KIAA1958: variants seen among roughly 807,000 people sequenced by gnomAD.
KIAA1958 encodes the protein KIAA1958, also known as uncharacterized protein KIAA1958.
Under a neutral mutation model 47.2 loss-of-function variants are expected in KIAA1958, and 14 were observed. That is an observed-to-expected ratio of 0.30 (90% CI 0.20 to 0.46). The LOEUF is 0.46. KIAA1958 is among the 20% of genes least tolerant of loss of function. The probability of loss-of-function intolerance (pLI) is 1.00; values close to 1 mark genes in which losing one functional copy is unlikely to be tolerated. For synonymous variants in KIAA1958, 354 were observed against 353.3 expected (o/e 1.00, Z -0.02); for missense variants, 803 against 909.2 (o/e 0.88, Z 1.50).
chr9:112,574,407 A>G lies in KIAA1958; in HGVS notation c.327A>G (p.Ala109=). The part of the protein sequence containing the change: ...VERYPGRPVK[A]KLDCNRTRDS... ...GGTACCCTGGGAGACCAGTGAAAGC[A>G]AAGCTAGACTGTAACCGGACCAGAG... The change falls in exon 2 of 4, where the codon GCA becomes GCG. Residue 109 remains alanine (A), a synonymous_variant. Coordinates refer to ENST00000337530, the MANE Select transcript of KIAA1958 (RefSeq NM_133465.4). 2 of 1,614,190 alleles carry G rather than the reference A, an allele frequency of 1.2e-6. No homozygotes were observed. The highest frequency in any genetic ancestry group is 1.7e-6 in the Non-Finnish European group (2 of 1,180,008).
intron 1 of KIAA1958, among the ~76,000 whole-genome samples, chr9:112,545,383 A>G (rs1288378479): frequency 6.6e-6 from 1 of 152,192 alleles, no homozygotes; most frequent in Non-Finnish European, 1.5e-5. Flanking sequence ...GGTACTTGTA[A>G]TGAAGTCAGA....
At chr9:112,593,873 T>TGTTTC (rs1452162635) in intron 2 of KIAA1958, among the ~76,000 whole-genome samples, 1 of 151,994 alleles carries the variant, frequency 6.6e-6, no homozygotes, top group African/African-American at 2.4e-5. Flanking sequence ...TGTTTTGTTT[T>TGTTTC]GTTTTTTAGA....
At chr9:112,516,295 A>G (rs1169061108) in intron 1 of KIAA1958, among the ~76,000 whole-genome samples, 1 of 150,214 alleles carries the variant, frequency 6.7e-6, no homozygotes, top group Non-Finnish European at 1.5e-5. Context: ...AAAAAAAGTC[A>G]GTTGTATTTC....
chr9:112,577,684 G>T (rs1436762192), intron 2 of KIAA1958, among the ~76,000 whole-genome samples: 1 of 151,228 alleles, frequency 6.6e-6, no homozygotes, highest in East Asian at 2.0e-4. Flanking sequence ...CATCTGCCTT[G>T]TGGATAGTAA....
intron 2 of KIAA1958, among the ~76,000 whole-genome samples, chr9:112,593,199 C>A (rs1389599697): frequency 6.6e-6 from 1 of 152,150 alleles, no homozygotes. Context: ...CAAAGGGGCT[C>A]ACACATCCCT....
chr9:112,665,363 A>G lies in KIAA1958; in HGVS notation c.*5294A>G, dbSNP rs1837339539. On this transcript the variant is annotated 3_prime_UTR_variant, in exon 4 of 4. Coordinates refer to ENST00000337530, the MANE Select transcript of KIAA1958 (RefSeq NM_133465.4). The stretch of plus-strand genomic sequence containing the variant: ...TGCCATATATTCTCATGTAATCTTT[A>G]CAACCGCTCTACAAGGTATGTCTAA... 1 of 152,240 alleles carries G rather than the reference A, an allele frequency of 6.6e-6. No individual in the cohort carries two copies. The highest frequency in any genetic ancestry group is 1.5e-5 in the Non-Finnish European group (1 of 68,050). The allele number at this position is 152,240 out of a possible 1,614,324, so 9.4% of individuals were successfully genotyped here. A position where few individuals can be genotyped will look rare whatever the true frequency, so the allele number is the denominator to read the frequency against.
In KIAA1958 at chr9:112,660,313, A is replaced by G. The variant is rs1837255032; in HGVS notation, c.*244A>G. The stretch of plus-strand genomic sequence containing the variant: ...ACTTCGTTAGCTTTTAGAATCTAAC[A>G]CAATGTATAATTGTTACATACAAGA... On this transcript the variant is annotated 3_prime_UTR_variant, in exon 4 of 4. Coordinates refer to ENST00000337530, the MANE Select transcript of KIAA1958 (RefSeq NM_133465.4). 2 of 545,192 alleles carry G rather than the reference A, an allele frequency of 3.7e-6. No individual in the cohort carries two copies. Among genetic ancestry groups the G allele is most frequent in the Non-Finnish European group, 6.6e-6 (2 of 303,836 alleles). The allele number at this position is 545,192 out of a possible 1,614,324, so 33.8% of individuals were successfully genotyped here. A position where few individuals can be genotyped will look rare whatever the true frequency, so the allele number is the denominator to read the frequency against.
chr9:112,627,385 GTAAT>G (rs1836635140), intron 2 of KIAA1958, among the ~76,000 whole-genome samples: 1 of 152,194 alleles, frequency 6.6e-6, no homozygotes, highest in Non-Finnish European at 1.5e-5. Context: ...GCTGAACAGT[GTAAT>G]AGCAGAGGAC....
At chr9:112,571,087 A>G (rs985706003) in intron 1 of KIAA1958, among the ~76,000 whole-genome samples, 10 of 141,490 alleles carry the variant, frequency 7.1e-5, no homozygotes, top group African/African-American at 2.6e-4. Context: ...GTGCCCGCCA[A>G]TATTCAGGCG....
intron 1 of KIAA1958, among the ~76,000 whole-genome samples, chr9:112,536,745 C>G (rs557397353): frequency 1.3e-5 from 2 of 152,102 alleles, no homozygotes; most frequent in Non-Finnish European, 2.9e-5. Flanking sequence ...TGAGCCACTG[C>G]GCTCCAGCCT....
chr9:112,563,085 C>CTCTCTATACATA (rs10655286), intron 1 of KIAA1958, among the ~76,000 whole-genome samples: 1 of 131,560 alleles, frequency 7.6e-6, no homozygotes, highest in East Asian at 2.1e-4. Context: ...CTCTCTCTCT[C>CTCTCTATACATA]TATATATATA....
At chr9:112,510,530 A>C (rs1834308823) in intron 1 of KIAA1958, among the ~76,000 whole-genome samples, 1 of 151,892 alleles carries the variant, frequency 6.6e-6, no homozygotes, top group Admixed American at 6.6e-5. Context: ...TGAGCCTGCC[A>C]CTCCTGGTCC....
chr9:112,608,268 TTAAAC>T (rs1272181793), intron 2 of KIAA1958, among the ~76,000 whole-genome samples: 2 of 152,164 alleles, frequency 1.3e-5, no homozygotes, highest in Non-Finnish European at 2.9e-5. Flanking sequence ...CAAAAGATAT[TTAAAC>T]TAATAATTTA....
At chr9:112,510,584 T>C (rs1834310457) in intron 1 of KIAA1958, among the ~76,000 whole-genome samples, 1 of 152,232 alleles carries the variant, frequency 6.6e-6, no homozygotes, top group African/African-American at 2.4e-5. Flanking sequence ...ATAAATGGGT[T>C]ACATATACTG....
intron 3 of KIAA1958, among the ~76,000 whole-genome samples, chr9:112,649,231 C>T (rs1345445330): frequency 1.3e-5 from 2 of 152,012 alleles, no homozygotes; most frequent in African/African-American, 4.8e-5. Flanking sequence ...AGTCATAGTT[C>T]ACTGCAGCCT....
intron 2 of KIAA1958, chr9:112,582,015 G>T (rs574195524): frequency 4.3e-4 from 107 of 247,724 alleles, no homozygotes; most frequent in African/African-American, 2.1e-3. Context: ...CAGTTGAGCA[G>T]CCCTATTACC....
At chr9:112,636,136 A>G (rs1354517608) in intron 2 of KIAA1958, among the ~76,000 whole-genome samples, 1 of 148,248 alleles carries the variant, frequency 6.7e-6, no homozygotes, top group Non-Finnish European at 1.5e-5. Context: ...CATATATCAT[A>G]TATATTTTTG....
chr9:112,641,107 G>C (rs1836881600), intron 2 of KIAA1958, among the ~76,000 whole-genome samples: 1 of 151,812 alleles, frequency 6.6e-6, no homozygotes, highest in African/African-American at 2.4e-5. Flanking sequence ...TCCTCACTAT[G>C]TCTTATACCC....
In KIAA1958 at chr9:112,618,877, C is replaced by G. The variant is rs1320865109; in HGVS notation, c.1172-26773C>G. 6.5e-7 allele frequency: 1 copy of G among 1,548,310 alleles called. No individual in the cohort carries two copies. Among genetic ancestry groups the G allele is most frequent in the Non-Finnish European group, 8.7e-7 (1 of 1,145,086 alleles). On this transcript the variant is annotated intron_variant, in intron 2 of 3. Coordinates refer to ENST00000337530, the MANE Select transcript of KIAA1958 (RefSeq NM_133465.4). The surrounding 1 kb of genome is among the most constrained non-coding windows in gnomAD (Gnocchi z 7.1). ...GCCACTCCAACAATGGCAATTTCATCGTCTCCGCCTCCTATGACTCTTCCT... is the reference window on the plus strand; with the variant it reads ...GCCACTCCAACAATGGCAATTTCATGGTCTCCGCCTCCTATGACTCTTCCT...
Sources: allele counts gnomAD v4.1 joint callset (sites outside exome capture counted in the v4.1 genomes callset), GRCh38; gene constraint gnomAD v4.1.1; non-coding constraint Gnocchi (gnomAD v3.1); transcripts MANE v1.5; gene names NCBI Gene and HGNC (gene_info 2026-07-23, HGNC 2026-07-21).